Variants in PRMT7 observed in about 807,000 individuals in gnomAD.
PRMT7 encodes protein arginine methyltransferase 7, also known as protein arginine N-methyltransferase 7.
A neutral mutation model predicts 85.4 loss-of-function variants in PRMT7; 75 were observed. That is an observed-to-expected ratio of 0.88 (90% confidence interval 0.73 to 1.06). The LOEUF (loss-of-function observed/expected upper bound fraction) is 1.06. PRMT7 is among the 50% of genes least tolerant of loss of function. The probability of loss-of-function intolerance (pLI) is 0.00; values close to 1 mark genes in which losing one functional copy is unlikely to be tolerated. For synonymous variants in PRMT7, 397 were observed against 359.5 expected (o/e 1.10, Z -1.18); for missense variants, 868 against 915.2 (o/e 0.95, Z 0.67).
chr16:68,347,783 G>A (rs759891155), intron 13 of PRMT7, 105 bp downstream of exon 13: 6 of 1,045,626 alleles, frequency 5.7e-6, no homozygotes, highest in East Asian at 2.5e-5. Context: ...GTGGTGGCTC[G>A]CTTGCACCCC....
At position 68,353,624 on chromosome 16, in the gene PRMT7, TCA is replaced by T. The variant is rs1407707577; in HGVS notation, c.1650+61_1650+62del. ...GACCTGCTCCTGTATCGCAGGCCTC[TCA>T]CAGGGTCCCAGCTTGGGCAGCACAG... On this transcript the variant is annotated intron_variant, in intron 16 of 18. Coordinates refer to ENST00000441236, the MANE Select transcript of PRMT7 (RefSeq NM_019023.5). The T allele has an allele frequency of 1.4e-6, 2 of 1,460,740 alleles. 1 individual carries two copies. The highest frequency in any genetic ancestry group is 1.8e-6 in the Non-Finnish European group (2 of 1,095,962). The allele number at this position is 1,460,740 out of a possible 1,614,324, so 90.5% of individuals were successfully genotyped here. A position where few individuals can be genotyped will look rare whatever the true frequency, so the allele number is the denominator to read the frequency against.
rs117335256 is a variant in PRMT7, at chr16:68,338,819, C to T, written c.505-503C>T. Among the ~76,000 whole-genome samples the T allele has an allele frequency of 3.5e-4, 54 of 152,164 alleles. No homozygotes were observed. In the East Asian group the frequency reaches 7.4e-3, roughly 21 times the overall value. ...TCCCTATTGCCTGGTGCATGGAGGA[C>T]GTGGAGTGGATGCAAGAGGTAGGAG... On this transcript the variant is annotated intron_variant, in intron 7 of 18. Transcript: ENST00000441236.
intron 4 of PRMT7, 103 bp from the exon 5 acceptor site, chr16:68,324,580 C>G (rs2082881833): frequency 1.4e-6 from 2 of 1,429,246 alleles, no homozygotes; most frequent in Non-Finnish European, 1.9e-6. Flanking sequence ...CCATAGGGCC[C>G]TGACTTGCAC....
At chr16:68,337,398 G>T (rs1416288686) in intron 6 of PRMT7, 61 bp from the exon 7 acceptor site, 1 of 1,154,264 alleles carries the variant, frequency 8.7e-7, no homozygotes, top group Non-Finnish European at 1.3e-6. Context: ...TCCCATATTT[G>T]CTGTAAATAT....
chr16:68,318,872 AAG>A (rs2082173137), intron 3 of PRMT7: 1 of 152,500 alleles, frequency 6.6e-6, no homozygotes, highest in South Asian at 2.1e-4. Context: ...ACAGGAGAGA[AAG>A]AGGATTGGAT....
rs1192294450 is a variant in PRMT7, at chr16:68,311,044, G to C, written c.-274G>C. 4 of 905,018 alleles carry C rather than the reference G, an allele frequency of 4.4e-6. No individual in the cohort carries two copies. The highest frequency in any genetic ancestry group is 1.6e-5 in the African/African-American group (1 of 60,898). The allele number at this position is 905,018 out of a possible 1,614,324, so 56.1% of individuals were successfully genotyped here. ...GACGCTGCGAGGTCCCGCCCCGCGTGCTGGCCGCGGTAAAAGTGGTAGCAG... is the reference window on the plus strand; with the variant it reads ...GACGCTGCGAGGTCCCGCCCCGCGTCCTGGCCGCGGTAAAAGTGGTAGCAG... On this transcript the variant is annotated 5_prime_UTR_variant, in exon 1 of 19. Transcript: ENST00000441236.
At chr16:68,317,079 TAAA>T (rs1002772903) in intron 3 of PRMT7, 1 of 148,440 alleles carries the variant, frequency 6.7e-6, no homozygotes, top group Non-Finnish European at 1.5e-5. Context: ...CCCGTCTCTA[TAAA>T]AAAAAATTAG....
downstream of PRMT7, chr16:68,360,693 G>A (rs865993502): frequency 1.3e-5 from 2 of 156,606 alleles, no homozygotes; most frequent in Non-Finnish European, 2.8e-5. Flanking sequence ...TGGTGGCCGT[G>A]CCCAGGAAGT....
intron 11 of PRMT7, 48 bp from the exon 12 acceptor site, chr16:68,347,163 C>G: frequency 6.6e-7 from 1 of 1,526,140 alleles, no homozygotes. Context: ...CAGGAATCTT[C>G]TGGCAAACTG....
intron 3 of PRMT7, among the ~76,000 whole-genome samples, chr16:68,320,692 C>T (rs2082385812): frequency 6.6e-6 from 1 of 152,140 alleles, no homozygotes; most frequent in Non-Finnish European, 1.5e-5. Flanking sequence ...TGTTTTTGGC[C>T]AGATTTGGGG....
intron 6 of PRMT7, among the ~76,000 whole-genome samples, chr16:68,330,904 T>G (rs1351962470): frequency 6.6e-6 from 1 of 152,240 alleles, no homozygotes; most frequent in Non-Finnish European, 1.5e-5. Context: ...CTATCTTTTT[T>G]ATTTTTAAAA....
At chr16:68,341,133 A>G (rs1427813203) in intron 9 of PRMT7, among the ~76,000 whole-genome samples, 3 of 152,220 alleles carry the variant, frequency 2.0e-5, no homozygotes, top group Non-Finnish European at 2.9e-5. Context: ...ATTTTTTACT[A>G]TGCGTCCTTG....
At chr16:68,334,225 C>A (rs551041476) in intron 6 of PRMT7, among the ~76,000 whole-genome samples, 1 of 152,156 alleles carries the variant, frequency 6.6e-6, no homozygotes, top group Non-Finnish European at 1.5e-5. Flanking sequence ...TTATTTGCTC[C>A]GGGCCTGTCA....
At position 68,311,083 on chromosome 16, in the gene PRMT7, A is replaced by T. The variant is rs1016804492; in HGVS notation, c.-235A>T. On this transcript the variant is annotated 5_prime_UTR_variant, in exon 1 of 19. Transcript: ENST00000441236. The stretch of plus-strand genomic sequence containing the variant: ...AAGTGGTAGCAGCGGAGGCGAGCGG[A>T]GGGTTTCCCGCGGCGGGTGAGGCGC... 3 of 752,282 alleles carry T rather than the reference A, an allele frequency of 4.0e-6. No homozygotes were observed. The African/African-American group carries it at 5.2e-5, about 13-fold the overall frequency. The allele number at this position is 752,282 out of a possible 1,614,324, so 46.6% of individuals were successfully genotyped here.
At chr16:68,315,856 C>T (rs1177387415) in intron 2 of PRMT7, 41 bp from the exon 3 acceptor site, 42 of 777,402 alleles carry the variant, frequency 5.4e-5, no homozygotes, top group East Asian at 2.9e-4. Context: ...TTTTTCTGTT[C>T]GTTTGTTTAT....
intron 7 of PRMT7, 42 bp downstream of exon 7, chr16:68,337,613 G>A: frequency 7.2e-7 from 1 of 1,395,832 alleles, no homozygotes; most frequent in Non-Finnish European, 1.0e-6. Flanking sequence ...TGTGGTCTCA[G>A]CCAGCTCACA....
At position 68,329,131 on chromosome 16, in the gene PRMT7, T is replaced by G. The variant is rs931129399; in HGVS notation, c.348T>G (p.Ile116Met). The G allele has an allele frequency of 3.1e-6, 5 of 1,611,034 alleles. No individual in the cohort carries two copies. The highest frequency in any genetic ancestry group is 4.2e-6 in the Non-Finnish European group (5 of 1,177,352). ...AGAAAAATGGCTTTAGTGATAAGAT[T>G]AAGGTTATCAACAAGCATTCCACCG... ...IVEKNGFSDK[I>M]KVINKHSTEV... The change falls in exon 6 of 19, where the codon ATT (isoleucine) becomes ATG (methionine). Residue 116 changes from isoleucine to methionine, a missense_variant. Coordinates refer to ENST00000441236, the MANE Select transcript of PRMT7 (RefSeq NM_019023.5).
intron 14 of PRMT7, among the ~76,000 whole-genome samples, chr16:68,350,872 A>T (rs994639235): frequency 1.3e-5 from 2 of 152,210 alleles, no homozygotes; most frequent in Non-Finnish European, 2.9e-5. Context: ...TTTCGGGCTC[A>T]TCCATGTCGT....
intron 6 of PRMT7, among the ~76,000 whole-genome samples, chr16:68,335,022 C>G (rs2084454063): frequency 6.6e-6 from 1 of 152,130 alleles, no homozygotes; most frequent in Non-Finnish European, 1.5e-5. Context: ...GTATCGAACT[C>G]CTGGCCTCAA....
Sources: allele counts gnomAD v4.1 joint callset (sites outside exome capture counted in the v4.1 genomes callset), GRCh38; gene constraint gnomAD v4.1.1; transcripts MANE v1.5; gene names NCBI Gene and HGNC (gene_info 2026-07-23, HGNC 2026-07-21).